Variants in PTPRD observed in about 807,000 individuals in gnomAD.
The protein encoded by PTPRD is receptor-type tyrosine-protein phosphatase delta.
PTPRD carries 34 observed loss-of-function variants against 214.5 expected under a neutral mutation model. The observed-to-expected ratio is 0.16, with a 90% CI of 0.12 to 0.21. The LOEUF (loss-of-function observed/expected upper bound fraction) is 0.21. PTPRD is among the 10% of genes least tolerant of loss of function. The pLI is 1.00. For synonymous variants in PTPRD, 1,128 were observed against 845.7 expected (o/e 1.33, Z -5.79); for missense variants, 2,545 against 2,398.7 (o/e 1.06, Z -1.27).
intron 7 of PTPRD, among the ~76,000 whole-genome samples, chr9:9,670,235 G>C (rs1460162924): frequency 1.3e-5 from 2 of 152,164 alleles, no homozygotes; most frequent in East Asian, 3.9e-4. Context: ...TGGTTTGGCT[G>C]TGTCCCCACC....
At chr9:9,540,869 G>A (rs563507358) in intron 8 of PTPRD, among the ~76,000 whole-genome samples, 3 of 151,764 alleles carry the variant, frequency 2.0e-5, no homozygotes, top group South Asian at 2.1e-4. Context: ...TCCACTTACC[G>A]CTGGGATGCA....
chr9:9,966,258 A>C (rs1294255171), intron 4 of PTPRD, among the ~76,000 whole-genome samples: 3 of 152,192 alleles, frequency 2.0e-5, no homozygotes, highest in Non-Finnish European at 4.4e-5. Flanking sequence ...TATCAATAAA[A>C]TATATATTCT....
intron 11 of PTPRD, among the ~76,000 whole-genome samples, chr9:8,890,067 A>C (rs2098525542): frequency 6.6e-6 from 1 of 152,208 alleles, no homozygotes; most frequent in African/African-American, 2.4e-5. Context: ...ACTAGTTTGC[A>C]TTCCCTCCAG....
rs2097373754 is a variant in PTPRD, at chr9:8,500,558, G to GGAAAAAAAAAAAAAAAAA, written c.2128+195_2128+196insTTTTTTTTTTTTTTTTTC. ...TTACTGCATTGAGATTGAAAAAAATGAAAAAAAAAAAAAAAAAAAAAAAAA... is the reference window on the plus strand; with the variant it reads ...TTACTGCATTGAGATTGAAAAAAATGGAAAAAAAAAAAAAAAAAAAAAAAAAAAAAAAAAAAAAAAAAA... On this transcript the variant is annotated intron_variant, in intron 24 of 45. Coordinates refer to ENST00000381196, the MANE Select transcript of PTPRD (RefSeq NM_002839.4). Among the ~76,000 whole-genome samples, 64 of 14,320 alleles carry GGAAAAAAAAAAAAAAAAA rather than the reference G, an allele frequency of 4.5e-3. 6 individuals are homozygous for GGAAAAAAAAAAAAAAAAA. The highest frequency in any genetic ancestry group is 0.011 in the East Asian group (7 of 654). 9.4% of individuals were successfully genotyped at this position (14,320 alleles called of 152,430 possible). A position where few individuals can be genotyped will look rare whatever the true frequency, so the allele number is the denominator to read the frequency against.
chr9:9,445,335 G>A (rs190020660), intron 8 of PTPRD, among the ~76,000 whole-genome samples: 1 of 152,100 alleles, frequency 6.6e-6, no homozygotes, highest in Non-Finnish European at 1.5e-5. Context: ...TGATGGATCT[G>A]TTTCCTTGAG....
At chr9:10,532,441 A>AAAATAAAT (rs79010563) in intron 2 of PTPRD, 8 of 147,388 alleles carry the variant, frequency 5.4e-5, no homozygotes, top group Admixed American at 1.4e-4. Context: ...TAGTGTTCCT[A>AAAATAAAT]AAATAAATAA....
intron 12 of PTPRD, among the ~76,000 whole-genome samples, chr9:8,641,763 C>T (rs72698277): frequency 0.07 from 10,592 of 152,220 alleles, 1,128 homozygotes; most frequent in African/African-American, 0.23. Context: ...CCACAAACTG[C>T]GCACTGATTT....
intron 4 of PTPRD, among the ~76,000 whole-genome samples, chr9:9,966,215 A>G (rs548131473): frequency 8.5e-4 from 129 of 152,304 alleles, no homozygotes; most frequent in African/African-American, 3.0e-3. Context: ...ATTTTTCGCA[A>G]CACAAGGAAA....
chr9:9,320,763 G>A (rs1205992207), intron 9 of PTPRD, among the ~76,000 whole-genome samples: 2 of 152,094 alleles, frequency 1.3e-5, no homozygotes, highest in Non-Finnish European at 2.9e-5. Context: ...CACATTATTT[G>A]GCTTCTAAGT....
chr9:8,565,270 T>A (rs574029740), intron 14 of PTPRD, among the ~76,000 whole-genome samples: 1 of 152,208 alleles, frequency 6.6e-6, no homozygotes, highest in Non-Finnish European at 1.5e-5. Context: ...CAATGAAGTT[T>A]GAAATGTAAT....
At chr9:8,639,122 T>A (rs1302220087) in intron 12 of PTPRD, among the ~76,000 whole-genome samples, 1 of 152,200 alleles carries the variant, frequency 6.6e-6, no homozygotes, top group African/African-American at 2.4e-5. Flanking sequence ...ATTACAGGCG[T>A]GAGCCACCAC....
intron 7 of PTPRD, among the ~76,000 whole-genome samples, chr9:9,709,348 A>G (rs1338996738): frequency 1.3e-5 from 2 of 152,036 alleles, no homozygotes; most frequent in Admixed American, 1.3e-4. Flanking sequence ...TTTCTCAATA[A>G]TCTCTTAAAA....
chr9:8,487,985 C>T (rs1422053467), intron 27 of PTPRD, among the ~76,000 whole-genome samples: 1 of 152,038 alleles, frequency 6.6e-6, no homozygotes, highest in Admixed American at 6.6e-5. Context: ...GCTATGATCA[C>T]ACCATTGCTG....
intron 2 of PTPRD, among the ~76,000 whole-genome samples, chr9:10,448,630 C>T (rs144016771): frequency 2.6e-5 from 4 of 152,034 alleles, no homozygotes; most frequent in African/African-American, 7.3e-5. Context: ...TCTTCACTAC[C>T]ATCTATTAAA....
intron 6 of PTPRD, among the ~76,000 whole-genome samples, chr9:9,743,981 T>C (rs1480783259): frequency 6.6e-6 from 1 of 152,118 alleles, no homozygotes; most frequent in Non-Finnish European, 1.5e-5. Flanking sequence ...CTTGTATATG[T>C]TCTACATAAT....
intron 5 of PTPRD, among the ~76,000 whole-genome samples, chr9:9,778,500 G>C (rs1268834205): frequency 6.6e-6 from 1 of 152,160 alleles, no homozygotes; most frequent in African/African-American, 2.4e-5. Context: ...CGGAGGCATT[G>C]TTCTCAGCTG....
intron 3 of PTPRD, among the ~76,000 whole-genome samples, chr9:10,178,944 G>T (rs923019065): frequency 6.6e-6 from 1 of 151,748 alleles, no homozygotes; most frequent in African/African-American, 2.4e-5. Context: ...TACAGGTGAG[G>T]AAATACAGGA....
chr9:8,617,616 T>G (rs1242375950), intron 14 of PTPRD, among the ~76,000 whole-genome samples: 1 of 152,214 alleles, frequency 6.6e-6, no homozygotes, highest in Non-Finnish European at 1.5e-5. Flanking sequence ...CATTCCTACT[T>G]AAAAGAACAA....
chr9:10,121,932 A>T (rs1207638556), intron 3 of PTPRD, among the ~76,000 whole-genome samples: 1 of 152,098 alleles, frequency 6.6e-6, no homozygotes, highest in African/African-American at 2.4e-5. Context: ...ATACCAACTC[A>T]TGTTACAAAA....
Sources: gnomAD v4.1 joint callset for allele counts (sites outside exome capture counted in the v4.1 genomes callset) on GRCh38, gnomAD v4.1.1 for gene constraint, MANE v1.5 for transcripts, NCBI Gene and HGNC (gene_info 2026-07-23, HGNC 2026-07-21) for gene names.